CACNB2: variants seen among roughly 807,000 people sequenced by gnomAD.
CACNB2 encodes calcium voltage-gated channel auxiliary subunit beta 2, also known as voltage-dependent L-type calcium channel subunit beta-2.
In CACNB2, 42 loss-of-function variants were observed where a neutral mutation model predicts 73.3. The observed-to-expected ratio is 0.57, with a 90% CI of 0.45 to 0.74. The LOEUF (loss-of-function observed/expected upper bound fraction) is 0.74. Ranked by LOEUF, CACNB2 falls within the 30% of genes least tolerant of loss-of-function variation. CACNB2 has a pLI of 0.00. For synonymous variants in CACNB2, 348 were observed against 310.3 expected (o/e 1.12, Z -1.28); for missense variants, 940 against 853.0 (o/e 1.10, Z -1.27).
At chr10:18,387,369 T>A (rs2043279084) in intron 2 of CACNB2, among the ~76,000 whole-genome samples, 1 of 152,222 alleles carries the variant, frequency 6.6e-6, no homozygotes, top group South Asian at 2.1e-4. Flanking sequence ...TTACAGCCTC[T>A]GTGATGTGTC....
intron 9 of CACNB2, among the ~76,000 whole-genome samples, chr10:18,524,413 T>C (rs566851415): frequency 6.6e-6 from 1 of 152,016 alleles, no homozygotes; most frequent in South Asian, 2.1e-4. Flanking sequence ...CCCAGCACTT[T>C]GGGAGGCTGA....
chr10:18,281,978 TCAAAA>T (rs2038569229), intron 2 of CACNB2, among the ~76,000 whole-genome samples: 2 of 47,948 alleles, frequency 4.2e-5, no homozygotes, highest in Admixed American at 3.1e-4. Context: ...AGACTCCATC[TCAAAA>T]AAAAAAAAAA....
Position 18,518,390 on chromosome 10 carries a change from G to C in CACNB2, c.859G>C (p.Val287Leu), listed in dbSNP as rs1217728234. 1.2e-6 allele frequency: 2 copies of C among 1,613,200 alleles called. No individual in the cohort carries two copies. The highest frequency in any genetic ancestry group is 1.7e-6 in the Non-Finnish European group (2 of 1,179,234). The change falls in exon 8 of 14, where the codon GTG (valine) becomes CTG (leucine). Residue 287 changes from valine to leucine, a missense_variant. Physicochemically the swap from Val to Leu is conservative, Grantham distance 32. Transcript: ENST00000324631. ...VVPSMRPVVLVGPSLKGYEVT... is the reference protein window; with the variant it reads ...VVPSMRPVVLLGPSLKGYEVT... ...ACCTTCCATGCGACCAGTGGTCCTA[G>C]TGGGCCCTTCTCTGAAGGGCTACGA...
At chr10:18,482,709 A>G (rs2048847800) in intron 3 of CACNB2, among the ~76,000 whole-genome samples, 1 of 151,954 alleles carries the variant, frequency 6.6e-6, no homozygotes, top group East Asian at 1.9e-4. Context: ...ACAGGGTTTC[A>G]CCACGTTGGG....
rs1052847757 is a variant in CACNB2 at position 18,539,750 on chromosome 10, T to TC, written c.*26_*27insC. Reference sequence around the variant, plus strand: ...GTTTTGCCCGTTTGTGTTTTTTTTTTTTTTTTTTTGAAGTCTTGTATAACT... The same window carrying TC: ...GTTTTGCCCGTTTGTGTTTTTTTTTTCTTTTTTTTTGAAGTCTTGTATAACT... On this transcript the variant is annotated 3_prime_UTR_variant, in exon 14 of 14. Transcript: ENST00000324631. 6.3e-7 allele frequency: 1 copy of TC among 1,587,628 alleles called. No homozygotes were observed. Among genetic ancestry groups the TC allele is most frequent in the Non-Finnish European group, 8.5e-7 (1 of 1,172,584 alleles).
chr10:18,508,443 C>T (rs1360984416), intron 6 of CACNB2, among the ~76,000 whole-genome samples: 1 of 152,154 alleles, frequency 6.6e-6, no homozygotes, highest in African/African-American at 2.4e-5. Context: ...CCTATATAAA[C>T]CTTACACTCT....
At chr10:18,150,734 C>A in intron 1 of CACNB2, 149 bp from the exon 2 acceptor site, 1 of 594,188 alleles carries the variant, frequency 1.7e-6, no homozygotes. Context: ...TAGAGTCCCA[C>A]CAGTATTAAC....
chr10:18,372,400 C>A (rs1272095758), intron 2 of CACNB2, among the ~76,000 whole-genome samples: 1 of 152,018 alleles, frequency 6.6e-6, no homozygotes, highest in East Asian at 1.9e-4. Context: ...AGGAAGGGGT[C>A]CAGTTTCATT....
intron 2 of CACNB2, among the ~76,000 whole-genome samples, chr10:18,175,419 T>A (rs2033526028): frequency 6.6e-6 from 1 of 152,192 alleles, no homozygotes; most frequent in African/African-American, 2.4e-5. Context: ...TGTCAAAGGA[T>A]GTGCGTATTG....
chr10:18,398,150 G>T (rs1334530636), intron 2 of CACNB2, among the ~76,000 whole-genome samples: 6 of 152,110 alleles, frequency 3.9e-5, no homozygotes, highest in Admixed American at 6.6e-5. Context: ...AAAGATAAAA[G>T]CTTAATTAGA....
chr10:18,297,274 A>T (rs927442088), intron 2 of CACNB2, among the ~76,000 whole-genome samples: 26 of 152,198 alleles, frequency 1.7e-4, no homozygotes, highest in African/African-American at 6.3e-4. Flanking sequence ...GCCAGGCACA[A>T]TGGCAGATTT....
chr10:18,340,872 C>T, intron 2 of CACNB2: 1 of 1,614,034 alleles, frequency 6.2e-7, no homozygotes, highest in Non-Finnish European at 8.5e-7. Flanking sequence ...TGAATTCTTG[C>T]TCCTGTGAAG....
At chr10:18,479,788 G>A (rs990239081) in intron 3 of CACNB2, among the ~76,000 whole-genome samples, 1 of 152,148 alleles carries the variant, frequency 6.6e-6, no homozygotes, top group Non-Finnish European at 1.5e-5. Flanking sequence ...TAAGTTTCCT[G>A]AGGCCTCCTG....
chr10:18,329,942 G>A (rs904357080), intron 2 of CACNB2, among the ~76,000 whole-genome samples: 2 of 152,022 alleles, frequency 1.3e-5, no homozygotes, highest in Non-Finnish European at 2.9e-5. Context: ...CTGGTTTCAA[G>A]CGATTCTTCT....
In CACNB2 at chr10:18,540,158, A is replaced by C. The variant is rs2053989088; in HGVS notation, c.*434A>C. 5.1e-6 allele frequency: 1 copy of C among 195,074 alleles called. No individual in the cohort carries two copies. The highest frequency in any genetic ancestry group is 5.3e-5 in the Admixed American group (1 of 18,746). The allele number at this position is 195,074 out of a possible 1,614,324, so 12.1% of individuals were successfully genotyped here. Reference sequence around the variant, plus strand: ...ATCTGATTTGCATATTCATTCATGGACCACTGTTTCTTGCTTGTACCTCTG... The same window carrying C: ...ATCTGATTTGCATATTCATTCATGGCCCACTGTTTCTTGCTTGTACCTCTG... On this transcript the variant is annotated 3_prime_UTR_variant, in exon 14 of 14. Coordinates refer to ENST00000324631, the MANE Select transcript of CACNB2 (RefSeq NM_201596.3).
At chr10:18,180,147 C>T (rs560166067) in intron 2 of CACNB2, among the ~76,000 whole-genome samples, 2 of 152,208 alleles carry the variant, frequency 1.3e-5, no homozygotes, top group Admixed American at 6.5e-5. Context: ...AACCTACTAG[C>T]CTCATTTGCC....
intron 2 of CACNB2, chr10:18,260,518 C>T (rs1327728759): frequency 8.1e-6 from 8 of 985,426 alleles, no homozygotes; most frequent in Non-Finnish European, 9.6e-6. Flanking sequence ...GGCGATCCTC[C>T]TTACAATTCA....
intron 3 of CACNB2, among the ~76,000 whole-genome samples, chr10:18,451,720 TG>T (rs1363473845): frequency 1.3e-5 from 2 of 152,198 alleles, no homozygotes; most frequent in Non-Finnish European, 2.9e-5. Flanking sequence ...GTCACAGCTC[TG>T]GGGTATGTCT....
intron 2 of CACNB2, among the ~76,000 whole-genome samples, chr10:18,153,837 G>A (rs1266000960): frequency 6.8e-6 from 1 of 147,942 alleles, no homozygotes; most frequent in Admixed American, 6.9e-5. Flanking sequence ...CCACCTTGGT[G>A]TGCCAAAGTG....
Sources: gnomAD v4.1 joint callset for allele counts (sites outside exome capture counted in the v4.1 genomes callset) on GRCh38, gnomAD v4.1.1 for gene constraint, MANE v1.5 for transcripts, NCBI Gene and HGNC (gene_info 2026-07-23, HGNC 2026-07-21) for gene names.